The following TMCO5A variants were observed in gnomAD, a reference collection of about 807,000 sequenced individuals.
TMCO5A encodes transmembrane and coiled-coil domain-containing protein 5A.
A neutral mutation model predicts 42.3 loss-of-function variants in TMCO5A; 34 were observed. The ratio of observed to expected loss-of-function variants is 0.80; its 90% CI spans 0.61 to 1.07. The LOEUF (loss-of-function observed/expected upper bound fraction) is 1.07, where lower values mean the gene tolerates loss of function less well. Among genes scored for constraint, TMCO5A ranks in the 50% least tolerant of loss-of-function variants. The pLI is 0.00. For synonymous variants in TMCO5A, 131 were observed against 115.6 expected (o/e 1.13, Z -0.86); for missense variants, 357 against 327.9 (o/e 1.09, Z -0.69).
chr15:38,014,853 TTATATA>T, the TMCO5A span, among the ~76,000 whole-genome samples: 997 of 54,516 alleles, frequency 0.018, 19 homozygotes, highest in African/African-American at 0.061. Flanking sequence ...AGGAGAAAGA[TTATATA>T]TATATATATA....
the TMCO5A span, among the ~76,000 whole-genome samples, chr15:38,008,066 T>C: frequency 6.6e-6 from 1 of 151,714 alleles, no homozygotes; most frequent in Non-Finnish European, 1.5e-5. Flanking sequence ...TGGCTAATTT[T>C]TCATATTTTT....
the TMCO5A span, among the ~76,000 whole-genome samples, chr15:38,029,848 A>G: frequency 6.6e-6 from 1 of 152,214 alleles, no homozygotes; most frequent in South Asian, 2.1e-4. Context: ...ACGCACTTAT[A>G]AACAGGAGGC....
chr15:37,966,474 A>G (rs139138090), intron 11 of TMCO5A: 1 of 632,938 alleles, frequency 1.6e-6, no homozygotes, highest in East Asian at 2.7e-5. Flanking sequence ...CTGTTTCAAA[A>G]CATCTCATAT....
chr15:38,011,896 G>C, the TMCO5A span, among the ~76,000 whole-genome samples: 1 of 152,028 alleles, frequency 6.6e-6, no homozygotes, highest in East Asian at 1.9e-4. Flanking sequence ...AGGCCAAGGC[G>C]GGCAGATCAC....
At chr15:37,954,185 A>G (rs1257128997), downstream of TMCO5A, among the ~76,000 whole-genome samples, 1 of 152,150 alleles carries the variant, frequency 6.6e-6, no homozygotes, top group Non-Finnish European at 1.5e-5. Context: ...AAACTTAGAG[A>G]AAAATATCAA....
At chr15:38,006,362 T>G in the TMCO5A span, among the ~76,000 whole-genome samples, 1 of 152,166 alleles carries the variant, frequency 6.6e-6, no homozygotes, top group Non-Finnish European at 1.5e-5. Flanking sequence ...ATTGAAATGT[T>G]GTATGGGAGT....
At chr15:37,962,041 G>C (rs1326772870) in intron 11 of TMCO5A, among the ~76,000 whole-genome samples, 1 of 151,858 alleles carries the variant, frequency 6.6e-6, no homozygotes, top group East Asian at 1.9e-4. Context: ...TTTTTCTCTT[G>C]TCTGATTGCT....
At chr15:38,005,220 G>A in the TMCO5A span, among the ~76,000 whole-genome samples, 1 of 149,848 alleles carries the variant, frequency 6.7e-6, no homozygotes, top group Admixed American at 6.7e-5. Context: ...ATTGTTTGGG[G>A]AGGTGCCAAA....
At chr15:37,983,474 T>C in the TMCO5A span, among the ~76,000 whole-genome samples, 3 of 152,170 alleles carry the variant, frequency 2.0e-5, no homozygotes, top group East Asian at 1.9e-4. Flanking sequence ...CAGGGAGATG[T>C]TGGGGCACAG....
the TMCO5A span, among the ~76,000 whole-genome samples, chr15:38,014,645 C>T: frequency 6.6e-6 from 1 of 151,812 alleles, no homozygotes; most frequent in Non-Finnish European, 1.5e-5. Context: ...ACATGTTCTA[C>T]CCCCGCAAGT....
chr15:37,966,621 T>C (rs1890563069), intron 11 of TMCO5A: 1 of 702,790 alleles, frequency 1.4e-6, no homozygotes, highest in Non-Finnish European at 2.6e-6. Flanking sequence ...TCTTCTCTCT[T>C]CAGATGGGCC....
At chr15:38,010,425 T>TCACACA in the TMCO5A span, among the ~76,000 whole-genome samples, 3,391 of 117,324 alleles carry the variant, frequency 0.029, 66 homozygotes, top group Non-Finnish European at 0.039. Context: ...CAGAGGGAGA[T>TCACACA]CACACACACA....
intron 11 of TMCO5A, among the ~76,000 whole-genome samples, chr15:37,948,247 A>G (rs180842661): frequency 1.7e-3 from 260 of 152,252 alleles, no homozygotes; most frequent in Non-Finnish European, 2.7e-3. Context: ...AATCACTGTG[A>G]TAGCAAAGTA....
At chr15:37,968,675 C>A (rs1890614521), downstream of TMCO5A, among the ~76,000 whole-genome samples, 1 of 151,684 alleles carries the variant, frequency 6.6e-6, no homozygotes, top group South Asian at 2.1e-4. Flanking sequence ...TTCCACCGCC[C>A]AGGTTCAAAT....
At chr15:37,943,513 G>A in intron 10 of TMCO5A, 115 bp downstream of exon 10, 1 of 945,782 alleles carries the variant, frequency 1.1e-6, no homozygotes, top group Non-Finnish European at 1.6e-6. Context: ...CATTTTCCAA[G>A]AACAGTACCA....
intron 11 of TMCO5A, among the ~76,000 whole-genome samples, chr15:37,963,822 T>G (rs1454630363): frequency 6.6e-6 from 1 of 152,242 alleles, no homozygotes; most frequent in Non-Finnish European, 1.5e-5. Context: ...TTTCTCTTTT[T>G]TAACTGCTGT....
chr15:38,008,544 A>T, the TMCO5A span, among the ~76,000 whole-genome samples: 1 of 152,302 alleles, frequency 6.6e-6, no homozygotes, highest in South Asian at 2.1e-4. Context: ...GGATAATCTT[A>T]GTAAAATTAG....
exon 12 of TMCO5A, chr15:37,966,749 C>G (rs1566925411): frequency 1.4e-6 from 1 of 701,266 alleles, no homozygotes; most frequent in East Asian, 2.7e-5. Flanking sequence ...CAGAAAAGGT[C>G]ATAAACTGGC....
At chr15:37,957,108 T>C (rs1342784137) in intron 11 of TMCO5A, among the ~76,000 whole-genome samples, 1 of 152,150 alleles carries the variant, frequency 6.6e-6, no homozygotes, top group Non-Finnish European at 1.5e-5. Context: ...ATGAGAGCTA[T>C]TTATGACAAA....
Sources: gnomAD v4.1 joint callset for allele counts (sites outside exome capture counted in the v4.1 genomes callset) on GRCh38, gnomAD v4.1.1 for gene constraint, MANE v1.5 for transcripts, NCBI Gene and HGNC (gene_info 2026-07-23, HGNC 2026-07-21) for gene names.